Variants in TLK1 observed in about 807,000 individuals in gnomAD.
TLK1 encodes tousled like kinase 1.
Under a neutral mutation model 105.3 loss-of-function variants are expected in TLK1, and 24 were observed. The observed-to-expected ratio is 0.23, with a 90% CI of 0.17 to 0.32. The LOEUF (loss-of-function observed/expected upper bound fraction) is 0.32, where lower values mean the gene tolerates loss of function less well. TLK1 is among the 10% of genes least tolerant of loss of function. TLK1 has a pLI of 1.00. For synonymous variants in TLK1, 321 were observed against 310.4 expected (o/e 1.03, Z -0.36); for missense variants, 558 against 910.5 (o/e 0.61, Z 4.98).
chr2:171,005,334 A>AT, intron 18 of TLK1, among the ~76,000 whole-genome samples: 1 of 152,244 alleles, frequency 6.6e-6, no homozygotes, highest in Admixed American at 6.5e-5. Context: ...TGAATCTGTG[A>AT]TTATATCTAA....
chr2:171,147,143 G>T (rs1212048874), intron 1 of TLK1, among the ~76,000 whole-genome samples: 1 of 152,136 alleles, frequency 6.6e-6, no homozygotes, highest in Non-Finnish European at 1.5e-5. Context: ...ACTAGACTGT[G>T]ACCAAGCTCC....
In TLK1 at chr2:171,160,279, G is replaced by T. The variant is rs1234918328; in HGVS notation, c.139+11C>A. 1 of 1,535,426 alleles carries T rather than the reference G, an allele frequency of 6.5e-7. No homozygotes were observed. Among genetic ancestry groups the T allele is most frequent in the Admixed American group, 2.2e-5 (1 of 46,058 alleles). On this transcript the variant is annotated intron_variant, in intron 1 of 20. Transcript: ENST00000431350. This position sits in a 1 kb window ranked among gnomAD's most constrained non-coding sequence, Gnocchi z 4.4. ...AGGCCCGCGAGCGGGCGCGGGCGCG[G>T]CGGTGCTTACCTTCCCTGGGCCTCC...
intron 18 of TLK1, among the ~76,000 whole-genome samples, chr2:171,001,466 G>T (rs553157098): frequency 2.0e-5 from 3 of 152,268 alleles, no homozygotes; most frequent in Admixed American, 2.0e-4. Context: ...CCAAAAAAAG[G>T]GTTCCAATTG....
chr2:171,129,922 G>A (rs1691032344), intron 1 of TLK1, among the ~76,000 whole-genome samples: 1 of 151,668 alleles, frequency 6.6e-6, no homozygotes, highest in Non-Finnish European at 1.5e-5. Context: ...TATTCATACA[G>A]TGATTTCAAC....
chr2:171,063,967 A>G (rs552513933), intron 3 of TLK1, among the ~76,000 whole-genome samples: 3 of 152,344 alleles, frequency 2.0e-5, no homozygotes, highest in South Asian at 2.1e-4. Context: ...CAGATTACTT[A>G]GTTTTGTTGT....
intron 11 of TLK1, among the ~76,000 whole-genome samples, chr2:171,041,452 G>A (rs1033816653): frequency 6.6e-6 from 1 of 152,122 alleles, no homozygotes; most frequent in African/African-American, 2.4e-5. Context: ...GACCTGTACC[G>A]TCCATGGCCT....
chr2:171,014,701 T>C (rs1203735695), intron 13 of TLK1, 150 bp downstream of exon 13: 3 of 605,974 alleles, frequency 5.0e-6, no homozygotes, highest in African/African-American at 3.7e-5. Flanking sequence ...AGGGACCAAA[T>C]CATAAAAGGC....
rs1354227779 is a variant in TLK1 at position 171,058,191 on chromosome 2, C to G, written c.413G>C (p.Ser138Thr). 2 of 1,613,464 alleles carry G rather than the reference C, an allele frequency of 1.2e-6. No individual in the cohort carries two copies. Among genetic ancestry groups the G allele is most frequent in the Non-Finnish European group, 1.7e-6 (2 of 1,179,534 alleles). Reference protein sequence around the residue: ...ENQNESSQGKSIGGRGHKISD... With the variant: ...ENQNESSQGKTIGGRGHKISD... ...AATTTTGTGGCCACGTCCCCCAATA[C>G]TTTTTCCTAAAATATAAGAAGCGCA... The change falls in exon 5 of 21, where the codon AGT (serine) becomes ACT (threonine). Residue 138 changes from serine (S) to threonine (T), a missense_variant. By Grantham distance (58) the Ser-to-Thr change is moderately conservative (BLOSUM62 1). Around this residue, in one of 5 missense-constraint regions of TLK1, gnomAD observed 196 missense variants for 239.3 expected, o/e 0.82. Coordinates refer to ENST00000431350, the MANE Select transcript of TLK1 (RefSeq NM_012290.5).
intron 3 of TLK1, among the ~76,000 whole-genome samples, chr2:171,081,098 G>A (rs759624872): frequency 7.2e-5 from 11 of 152,142 alleles, no homozygotes; most frequent in Non-Finnish European, 1.5e-4. Flanking sequence ...ACCAAATTGT[G>A]TTTCATTTCA....
chr2:171,016,711 C>T (rs1685231139), intron 12 of TLK1, among the ~76,000 whole-genome samples: 1 of 152,058 alleles, frequency 6.6e-6, no homozygotes, highest in Admixed American at 6.5e-5. Flanking sequence ...GCTTATCACA[C>T]CGGTACCTAA....
Position 170,993,811 on chromosome 2 carries a change from G to T in TLK1, c.2270C>A (p.Thr757Lys). 1 of 1,609,220 alleles carries T rather than the reference G, an allele frequency of 6.2e-7. No individual in the cohort carries two copies. The highest frequency in any genetic ancestry group is 8.5e-7 in the Non-Finnish European group (1 of 1,177,678). Reference protein sequence around the residue: ...LHMAGLTASPTPPSSSIITY With the variant: ...LHMAGLTASPKPPSSSIITY The stretch of plus-strand genomic sequence containing the variant: ...AGTAATTATGCTTGAAGAAGGGGGT[G>T]TAGGGGATGCTGTCAGCCCAGCCAT... Residue 757 changes from threonine to lysine, a missense_variant, in exon 21 of 21, where the codon ACA becomes AAA. Thr to Lys is a moderately conservative substitution (Grantham distance 78). Around this residue, in one of 5 missense-constraint regions of TLK1, gnomAD observed 27 missense variants for 22.5 expected, o/e 1.20. Coordinates refer to ENST00000431350, the MANE Select transcript of TLK1 (RefSeq NM_012290.5).
intron 11 of TLK1, among the ~76,000 whole-genome samples, chr2:171,040,561 CTTTTTTGT>C (rs1177143107): frequency 1.7e-4 from 21 of 123,672 alleles, no homozygotes; most frequent in African/African-American, 5.7e-4. Flanking sequence ...AAATATATTC[CTTTTTTGT>C]TTTTTTTTTT....
At chr2:171,052,028 G>A (rs1263600734) in intron 8 of TLK1, among the ~76,000 whole-genome samples, 2 of 152,110 alleles carry the variant, frequency 1.3e-5, no homozygotes, top group Admixed American at 1.3e-4. Context: ...CCAGCACTTT[G>A]GGAGACCAAG....
At chr2:171,204,513 G>T (rs1187602218) in intron 1 of TLK1, among the ~76,000 whole-genome samples, 1 of 151,390 alleles carries the variant, frequency 6.6e-6, no homozygotes, top group Admixed American at 6.6e-5. Flanking sequence ...CAGCTTAAAG[G>T]CAGGCCTGGT....
Position 171,067,048 on chromosome 2 carries a change from T to C in TLK1, c.331-5892A>G, listed in dbSNP as rs187058134. On this transcript the variant is annotated intron_variant, in intron 3 of 20. Coordinates refer to ENST00000431350, the MANE Select transcript of TLK1 (RefSeq NM_012290.5). ...CACAATGGAGTAACATACTCCTGTATCATACCCCTACAAACATTCCTTTGA... is the reference window on the plus strand; with the variant it reads ...CACAATGGAGTAACATACTCCTGTACCATACCCCTACAAACATTCCTTTGA... 32 of 1,402,382 alleles carry C rather than the reference T, an allele frequency of 2.3e-5. No homozygotes were observed. In the African/African-American group the frequency reaches 4.5e-4, roughly 20 times the overall value. The allele number at this position is 1,402,382 out of a possible 1,614,324, so 86.9% of individuals were successfully genotyped here. A position where few individuals can be genotyped will look rare whatever the true frequency, so the allele number is the denominator to read the frequency against.
chr2:171,218,283 C>T (rs1456115917), intron 1 of TLK1, among the ~76,000 whole-genome samples: 1 of 151,994 alleles, frequency 6.6e-6, no homozygotes. Context: ...ACAACAACAA[C>T]AAATAACAAC....
At chr2:171,215,788 C>T (rs1257672741) in intron 1 of TLK1, among the ~76,000 whole-genome samples, 7 of 152,184 alleles carry the variant, frequency 4.6e-5, no homozygotes, top group Admixed American at 3.9e-4. Context: ...GCCCACTCCT[C>T]GGAAGTTCGG....
intron 1 of TLK1, among the ~76,000 whole-genome samples, chr2:171,120,998 C>T (rs936566558): frequency 6.6e-6 from 1 of 152,050 alleles, no homozygotes; most frequent in East Asian, 1.9e-4. Flanking sequence ...TGCTACAACA[C>T]GGAGATCTCC....
chr2:171,198,688 T>C (rs567364225), intron 1 of TLK1, among the ~76,000 whole-genome samples: 1 of 152,320 alleles, frequency 6.6e-6, no homozygotes, highest in East Asian at 1.9e-4. Context: ...CCTGATTGAC[T>C]AAAGGATGGA....
Sources: allele counts gnomAD v4.1 joint callset (sites outside exome capture counted in the v4.1 genomes callset), GRCh38; gene constraint gnomAD v4.1.1; regional missense constraint gnomAD v4.1.1; non-coding constraint Gnocchi (gnomAD v3.1); transcripts MANE v1.5; gene names NCBI Gene and HGNC (gene_info 2026-07-23, HGNC 2026-07-21).